The following KIF21A variants were observed in gnomAD, a reference collection of about 807,000 sequenced individuals.
The protein encoded by KIF21A is kinesin family member 21A.
Under a neutral mutation model 202.9 loss-of-function variants are expected in KIF21A, and 114 were observed. The ratio of observed to expected loss-of-function variants is 0.56; its 90% CI spans 0.48 to 0.66. The LOEUF is 0.66. Among genes scored for constraint, KIF21A ranks in the 30% least tolerant of loss-of-function variants. The pLI is 0.00. For synonymous variants in KIF21A, 667 were observed against 670.8 expected (o/e 0.99, Z 0.09); for missense variants, 1,677 against 1,994.9 (o/e 0.84, Z 3.04).
chr12:39,359,811 C>CA (rs1416195706), intron 7 of KIF21A, among the ~76,000 whole-genome samples: 4 of 152,236 alleles, frequency 2.6e-5, no homozygotes, highest in Middle Eastern at 3.4e-3. Context: ...TACTTATTTA[C>CA]AAAAAATGTT....
intron 1 of KIF21A, among the ~76,000 whole-genome samples, chr12:39,431,748 A>C (rs1277863841): frequency 1.3e-5 from 2 of 152,220 alleles, no homozygotes; most frequent in Non-Finnish European, 2.9e-5. Flanking sequence ...AAGCTAACTA[A>C]AGAAACCAAA....
At chr12:39,422,261 G>T (rs894631080) in intron 1 of KIF21A, among the ~76,000 whole-genome samples, 3 of 151,864 alleles carry the variant, frequency 2.0e-5, no homozygotes, top group Admixed American at 1.3e-4. Context: ...ATGCCCAGCC[G>T]CAAACAGTAC....
chr12:39,412,441 G>A (rs1461598255), intron 1 of KIF21A, among the ~76,000 whole-genome samples: 1 of 152,182 alleles, frequency 6.6e-6, no homozygotes, highest in Non-Finnish European at 1.5e-5. Flanking sequence ...TAGCGCCCAG[G>A]TGTGGTGGCT....
intron 1 of KIF21A, among the ~76,000 whole-genome samples, chr12:39,424,085 T>C (rs180781380): frequency 5.0e-4 from 76 of 151,482 alleles, no homozygotes; most frequent in African/African-American, 1.8e-3. Flanking sequence ...TTGATACCAC[T>C]GTTTCTGCTT....
intron 26 of KIF21A, among the ~76,000 whole-genome samples, chr12:39,324,889 A>C (rs1485575069): frequency 6.6e-6 from 1 of 152,194 alleles, no homozygotes; most frequent in Non-Finnish European, 1.5e-5. Flanking sequence ...TTCATTCAAC[A>C]ATATTTAATA....
At chr12:39,331,098 T>A (rs562801910) in intron 22 of KIF21A, among the ~76,000 whole-genome samples, 187 bp from the exon 23 acceptor site, 100 of 152,286 alleles carry the variant, frequency 6.6e-4, no homozygotes, top group African/African-American at 2.4e-3. Context: ...TGTTATCTTC[T>A]GGATTCTCAG....
intron 16 of KIF21A, among the ~76,000 whole-genome samples, 177 bp downstream of exon 16, chr12:39,339,988 C>T (rs1014829375): frequency 1.1e-4 from 16 of 152,088 alleles, no homozygotes; most frequent in African/African-American, 3.6e-4. Context: ...TGAAGAAAGG[C>T]TTGGATGAGG....
chr12:39,379,054 G>A (rs766810823), intron 1 of KIF21A, among the ~76,000 whole-genome samples: 26 of 152,206 alleles, frequency 1.7e-4, no homozygotes, highest in East Asian at 5.8e-4. Flanking sequence ...AGAATTGGCC[G>A]GGTGTGGTGA....
intron 1 of KIF21A, among the ~76,000 whole-genome samples, chr12:39,436,074 A>T (rs1365756401): frequency 6.6e-6 from 1 of 152,130 alleles, no homozygotes; most frequent in Non-Finnish European, 1.5e-5. Flanking sequence ...AGTTCCTACT[A>T]CTGAGGTGCT....
chr12:39,387,976 T>C (rs961615103), intron 1 of KIF21A, among the ~76,000 whole-genome samples: 3 of 152,186 alleles, frequency 2.0e-5, no homozygotes, highest in Non-Finnish European at 2.9e-5. Context: ...ACATGAGTTC[T>C]GACTAAAAGG....
intron 17 of KIF21A, 145 bp from the exon 18 acceptor site, chr12:39,333,425 C>T (rs79683362): frequency 0.057 from 37,987 of 663,380 alleles, 2,263 homozygotes; most frequent in South Asian, 0.22. Flanking sequence ...TATATTATTA[C>T]AGGTACAGCT....
At chr12:39,295,593 C>A (rs1942228931) in intron 37 of KIF21A, among the ~76,000 whole-genome samples, 1 of 151,106 alleles carries the variant, frequency 6.6e-6, no homozygotes, top group Non-Finnish European at 1.5e-5. Context: ...GGAATATTTT[C>A]ATTTATCCAC....
At chr12:39,364,751 G>C (rs1347946098) in intron 6 of KIF21A, among the ~76,000 whole-genome samples, 1 of 152,150 alleles carries the variant, frequency 6.6e-6, no homozygotes, top group African/African-American at 2.4e-5. Context: ...AATTGCCCTT[G>C]TTCATTCCTA....
intron 13 of KIF21A, 45 bp downstream of exon 13, chr12:39,341,989 C>A (rs1947482684): frequency 1.5e-6 from 2 of 1,378,522 alleles, no homozygotes; most frequent in African/African-American, 2.8e-5. Context: ...CAAGAACAAC[C>A]AAACCTGGTG....
At chr12:39,327,255 C>G (rs904800383) in intron 24 of KIF21A, among the ~76,000 whole-genome samples, 1 of 152,106 alleles carries the variant, frequency 6.6e-6, no homozygotes, top group African/African-American at 2.4e-5. Context: ...ATTCATTTCT[C>G]TCCACAAATG....
At position 39,325,498 on chromosome 12, in the gene KIF21A, A is replaced by ATTTTTTTTTTTTTT. The variant is rs397714587; in HGVS notation, c.3456+327_3456+340dup. Among the ~76,000 whole-genome samples the ATTTTTTTTTTTTTT allele has an allele frequency of 1.9e-4, 23 of 121,438 alleles. 1 individual carries two copies. The highest frequency in any genetic ancestry group is 4.5e-4 in the African/African-American group (13 of 28,962). 79.7% of individuals were successfully genotyped at this position (121,438 alleles called of 152,430 possible). A position where few individuals can be genotyped will look rare whatever the true frequency, so the allele number is the denominator to read the frequency against. On this transcript the variant is annotated intron_variant, in intron 26 of 37. Transcript: ENST00000361418. ...AGGCACCTACCACCACGCCCAGCTA[A>ATTTTTTTTTTTTTT]TTTTTTTTTTTTTTTTTTGTATTTT...
intron 16 of KIF21A, 161 bp from the exon 17 acceptor site, chr12:39,337,364 T>A (rs1315921563): frequency 3.3e-6 from 2 of 611,160 alleles, no homozygotes; most frequent in Non-Finnish European, 2.9e-6. Flanking sequence ...TTCTGTGGGA[T>A]TCATATATTT....
chr12:39,362,237 C>T lies in KIF21A; in HGVS notation c.1019+861G>A, dbSNP rs143884506. ...TAAACCTCTTTTCTGTATAAATTAC[C>T]CAGTCTCAGGTATTTATGGCAGTGC... On this transcript the variant is annotated intron_variant, in intron 7 of 37. Transcript: ENST00000361418. Among the ~76,000 whole-genome samples the T allele has an allele frequency of 5.8e-4, 89 of 152,142 alleles. No homozygotes were observed. The East Asian group carries it at 0.014, about 23-fold the overall frequency.
At chr12:39,367,284 C>G in intron 4 of KIF21A, 120 bp from the exon 5 acceptor site, 1 of 1,058,320 alleles carries the variant, frequency 9.4e-7, no homozygotes, top group East Asian at 2.5e-5. Context: ...TGTGGAATTT[C>G]ACATTATTAG....
Sources: gnomAD v4.1 joint callset for allele counts (sites outside exome capture counted in the v4.1 genomes callset) on GRCh38, gnomAD v4.1.1 for gene constraint, MANE v1.5 for transcripts, NCBI Gene and HGNC (gene_info 2026-07-23, HGNC 2026-07-21) for gene names.